WNK3: variants seen among roughly 807,000 people sequenced by gnomAD.
The protein encoded by WNK3 is WNK lysine deficient protein kinase 3, also known as serine/threonine-protein kinase WNK3.
WNK3 carries 18 observed loss-of-function variants against 116.7 expected under a neutral mutation model. The ratio of observed to expected loss-of-function variants is 0.15; its 90% CI spans 0.11 to 0.23. The LOEUF (loss-of-function observed/expected upper bound fraction) is 0.23, where lower values mean the gene tolerates loss of function less well. WNK3 is among the 10% of genes least tolerant of loss of function. The pLI is 1.00. For missense variants in WNK3, 993 were observed against 1,323.8 expected (o/e 0.75, Z 3.88); for synonymous variants, 404 against 469.4 (o/e 0.86, Z 1.80).
chrX:54,262,234 T>C lies in WNK3; in HGVS notation c.2038-2896A>G, dbSNP rs781895019. ...CTTTTTAAAATGTATTAAGTATTTT[T>C]CCTTACCTTTATTGGCCTGCATTAC... On this transcript the variant is annotated intron_variant, in intron 10 of 23. Coordinates refer to ENST00000354646, the Ensembl canonical transcript of WNK3. Among the ~76,000 whole-genome samples the C allele has an allele frequency of 3.6e-5, 4 of 111,641 alleles. No homozygotes were observed. The East Asian group carries it at 1.1e-3, about 31-fold the overall frequency.
chrX:54,277,413 C>T (rs2068462350), intron 10 of WNK3, among the ~76,000 whole-genome samples: 1 of 108,703 alleles, frequency 9.2e-6, no homozygotes, highest in South Asian at 4.1e-4. Flanking sequence ...TCTCGGCTCA[C>T]TGCAACCTCC....
At chrX:54,321,773 A>G (rs1557172318) in intron 2 of WNK3, among the ~76,000 whole-genome samples, 2 of 110,155 alleles carry the variant, frequency 1.8e-5, no homozygotes, top group African/African-American at 6.6e-5. Flanking sequence ...CAGCCTGGCC[A>G]ACATGGTGAA....
intron 22 of WNK3, among the ~76,000 whole-genome samples, chrX:54,212,785 C>T (rs2067630349): frequency 9.0e-6 from 1 of 111,316 alleles, no homozygotes; most frequent in Admixed American, 9.6e-5. Flanking sequence ...GCAGAATGAT[C>T]CATGTGGTAA....
intron 3 of WNK3, among the ~76,000 whole-genome samples, chrX:54,310,429 T>C (rs915663007): frequency 9.1e-6 from 1 of 109,621 alleles, no homozygotes; most frequent in Non-Finnish European, 1.9e-5. Flanking sequence ...TGCTTGTGGT[T>C]CCAGCTACTC....
At chrX:54,297,398 G>A (rs1557166524) in intron 7 of WNK3, among the ~76,000 whole-genome samples, 1 of 110,434 alleles carries the variant, frequency 9.1e-6, no homozygotes, top group African/African-American at 3.3e-5. Context: ...CTAACATGGT[G>A]AAACCACATC....
At chrX:54,349,770 A>G (rs2069488197) in intron 1 of WNK3, among the ~76,000 whole-genome samples, 1 of 111,757 alleles carries the variant, frequency 8.9e-6, no homozygotes, top group African/African-American at 3.2e-5. Flanking sequence ...GCATGGTGGC[A>G]TGGGACACTA....
chrX:54,328,725 G>A (rs1237072480), intron 2 of WNK3, among the ~76,000 whole-genome samples: 3 of 112,205 alleles, frequency 2.7e-5, no homozygotes, highest in Non-Finnish European at 5.6e-5. Flanking sequence ...AAATTAAAAT[G>A]TACTTTATAT....
At chrX:54,264,458 G>A (rs2068288815) in intron 10 of WNK3, among the ~76,000 whole-genome samples, 2 of 110,270 alleles carry the variant, frequency 1.8e-5, no homozygotes, top group South Asian at 7.9e-4. Context: ...GAGCCACCGT[G>A]CCAGGCCTGA....
At chrX:54,245,145 C>CGT (rs782272022) in intron 17 of WNK3, among the ~76,000 whole-genome samples, 12,397 of 84,480 alleles carry the variant, frequency 0.15, 838 homozygotes, top group African/African-American at 0.23. Flanking sequence ...CATATATATG[C>CGT]GTGTGTGTGT....
chrX:54,268,074 A>G (rs2068334984), intron 10 of WNK3, among the ~76,000 whole-genome samples: 1 of 83,412 alleles, frequency 1.2e-5, no homozygotes, highest in Non-Finnish European at 2.3e-5. Flanking sequence ...AGATATCTGA[A>G]TGCGTGCACA....
At chrX:54,338,420 TA>T (rs578200691) in intron 1 of WNK3, among the ~76,000 whole-genome samples, 252 of 97,247 alleles carry the variant, frequency 2.6e-3, no homozygotes, top group Admixed American at 2.4e-3. Flanking sequence ...AGAACCTGTT[TA>T]AAAAAAAAAA....
chrX:54,240,310 A>G (rs187995978), intron 17 of WNK3, among the ~76,000 whole-genome samples: 1 of 110,986 alleles, frequency 9.0e-6, no homozygotes, highest in Non-Finnish European at 1.9e-5. Flanking sequence ...GTTTCAAAAA[A>G]AAAAAAACAA....
intron 22 of WNK3, among the ~76,000 whole-genome samples, chrX:54,213,565 CA>C (rs782750356): frequency 0.014 from 346 of 25,327 alleles, 5 homozygotes; most frequent in Middle Eastern, 0.061. Flanking sequence ...AAAAAAAAAA[CA>C]AACAAAAAAA....
Position 54,263,469 on chromosome X carries a change from T to G in WNK3, c.2038-4131A>C, listed in dbSNP as rs183750568. Among the ~76,000 whole-genome samples, 13 of 112,269 alleles carry G rather than the reference T, an allele frequency of 1.2e-4. No individual in the cohort carries two copies. The East Asian group carries it at 3.6e-3, about 31-fold the overall frequency. Reference sequence around the variant, plus strand: ...AACACATAGAAAAGTGGAATTGTTCTGTGAAAACCTATATATCTAACACCA... The same window carrying G: ...AACACATAGAAAAGTGGAATTGTTCGGTGAAAACCTATATATCTAACACCA... On this transcript the variant is annotated intron_variant, in intron 10 of 23. Transcript: ENST00000354646.
chrX:54,283,398 C>T lies in WNK3; in HGVS notation c.2037+9490G>A, dbSNP rs2147075396. On this transcript the variant is annotated intron_variant, in intron 10 of 23. Transcript: ENST00000354646. Reference sequence around the variant, plus strand: ...TATATGCATATAGAAAGATGCTCAACATCATTAGTCTTCAGAAAAATGCAA... The same window carrying T: ...TATATGCATATAGAAAGATGCTCAATATCATTAGTCTTCAGAAAAATGCAA... 1.8e-5 allele frequency among the ~76,000 whole-genome samples: 2 copies of T among 112,208 alleles called. 1 individual carries two copies. The highest frequency in any genetic ancestry group is 7.4e-4 in the South Asian group (2 of 2,714).
At chrX:54,339,604 T>C (rs1272060763) in intron 1 of WNK3, among the ~76,000 whole-genome samples, 7 of 111,293 alleles carry the variant, frequency 6.3e-5, no homozygotes, top group African/African-American at 2.0e-4. Flanking sequence ...TGATTTTCAA[T>C]ACAGAGGTTA....
chrX:54,200,811 C>T (rs186310863), intron 23 of WNK3, among the ~76,000 whole-genome samples: 1 of 111,709 alleles, frequency 9.0e-6, no homozygotes, highest in Non-Finnish European at 1.9e-5. Flanking sequence ...GCATTTATGT[C>T]TTGAAATTTG....
intron 2 of WNK3, among the ~76,000 whole-genome samples, chrX:54,316,518 C>CTA (rs1396932731): frequency 2.4e-5 from 2 of 84,442 alleles, no homozygotes; most frequent in Admixed American, 3.3e-4. Context: ...CCAGCCTGGG[C>CTA]AATAGAGCGA....
chrX:54,236,215 T>C (rs782750273), intron 20 of WNK3, among the ~76,000 whole-genome samples: 2 of 111,022 alleles, frequency 1.8e-5, no homozygotes, highest in South Asian at 3.9e-4. Flanking sequence ...GCTTAAGCGA[T>C]TCTCCTGCCT....
Sources: gnomAD v4.1 joint callset for allele counts (sites outside exome capture counted in the v4.1 genomes callset) on GRCh38, gnomAD v4.1.1 for gene constraint, MANE v1.5 for transcripts, NCBI Gene and HGNC (gene_info 2026-07-23, HGNC 2026-07-21) for gene names.